The following SLC24A2 variants were observed in gnomAD, a reference collection of about 807,000 sequenced individuals.
SLC24A2 encodes the protein solute carrier family 24 member 2.
A neutral mutation model predicts 62.0 loss-of-function variants in SLC24A2; 36 were observed. That is an observed-to-expected ratio of 0.58 (90% CI 0.44 to 0.77). The LOEUF (loss-of-function observed/expected upper bound fraction) is 0.77, where lower values mean the gene tolerates loss of function less well. Among genes scored for constraint, SLC24A2 ranks in the 30% least tolerant of loss-of-function variants. The pLI, the probability that SLC24A2 is intolerant of heterozygous loss-of-function variation, is 0.00. For missense variants in SLC24A2, 846 were observed against 817.9 expected (o/e 1.03, Z -0.42); for synonymous variants, 358 against 294.0 (o/e 1.22, Z -2.23).
At chr9:20,193,087 C>G in the SLC24A2 span, among the ~76,000 whole-genome samples, 36 of 152,126 alleles carry the variant, frequency 2.4e-4, no homozygotes, top group African/African-American at 8.4e-4. Flanking sequence ...TAGCAAGATC[C>G]CTGCTCTAGT....
At chr9:19,592,927 G>T (rs972968262) in intron 5 of SLC24A2, among the ~76,000 whole-genome samples, 2 of 152,202 alleles carry the variant, frequency 1.3e-5, no homozygotes, top group African/African-American at 4.8e-5. Context: ...AGACATTTTT[G>T]TCCCTAGAAA....
the SLC24A2 span, among the ~76,000 whole-genome samples, chr9:19,800,036 G>A: frequency 6.6e-6 from 1 of 152,162 alleles, no homozygotes; most frequent in Admixed American, 6.5e-5. Context: ...CATCATTGCA[G>A]TCTCTGCCAT....
chr9:19,553,352 A>G (rs975186222), intron 7 of SLC24A2, among the ~76,000 whole-genome samples: 77 of 152,144 alleles, frequency 5.1e-4, no homozygotes, highest in African/African-American at 1.8e-3. Flanking sequence ...GTGACAACTC[A>G]CCCTTACCTC....
At position 19,692,446 on chromosome 9, in the gene SLC24A2, C is replaced by T. The variant is rs550136159; in HGVS notation, c.931-70147G>A. ...TTTGAAGATGGACTGTAATACCATACGACAAAATTGAAGCCACCTTATTAG... is the reference window on the plus strand; with the variant it reads ...TTTGAAGATGGACTGTAATACCATATGACAAAATTGAAGCCACCTTATTAG... On this transcript the variant is annotated intron_variant, in intron 2 of 10. Coordinates refer to ENST00000341998, the MANE Select transcript of SLC24A2 (RefSeq NM_020344.4). 1.0e-3 allele frequency among the ~76,000 whole-genome samples: 152 copies of T among 152,144 alleles called. 1 individual carries two copies. Among genetic ancestry groups the T allele is most frequent in the African/African-American group, 3.1e-3 (129 of 41,518 alleles).
intron 2 of SLC24A2, among the ~76,000 whole-genome samples, chr9:19,644,764 G>T (rs1818595717): frequency 6.6e-6 from 1 of 151,518 alleles, no homozygotes; most frequent in Admixed American, 6.6e-5. Context: ...TTCATGTTTT[G>T]CCTAATGAAT....
At chr9:19,908,315 A>G in the SLC24A2 span, among the ~76,000 whole-genome samples, 1 of 152,148 alleles carries the variant, frequency 6.6e-6, no homozygotes, top group Non-Finnish European at 1.5e-5. Context: ...CCTTCCTTAC[A>G]CCTTATACAA....
At chr9:20,019,849 T>C in the SLC24A2 span, among the ~76,000 whole-genome samples, 2 of 144,760 alleles carry the variant, frequency 1.4e-5, no homozygotes, top group African/African-American at 5.2e-5. Flanking sequence ...ATCCAGAATC[T>C]ACAATGAACT....
At chr9:19,944,657 G>A in the SLC24A2 span, among the ~76,000 whole-genome samples, 5 of 152,130 alleles carry the variant, frequency 3.3e-5, no homozygotes, top group Admixed American at 3.3e-4. Context: ...ATGGGACGGT[G>A]CCTTTCTGAA....
the SLC24A2 span, among the ~76,000 whole-genome samples, chr9:19,936,620 G>T: frequency 1.3e-5 from 2 of 152,142 alleles, no homozygotes; most frequent in Non-Finnish European, 2.9e-5. Flanking sequence ...AAGCTGGAGT[G>T]GGAGCCTCTG....
At chr9:19,895,781 C>T in the SLC24A2 span, 650 of 1,576,144 alleles carry the variant, frequency 4.1e-4, no homozygotes, top group Middle Eastern at 1.1e-3. Context: ...TCTCCTCATG[C>T]GGTGGCCTGT....
the SLC24A2 span, among the ~76,000 whole-genome samples, chr9:19,979,014 C>A: frequency 1.3e-5 from 2 of 152,084 alleles, no homozygotes; most frequent in African/African-American, 4.8e-5. Context: ...GTGTGTGCTC[C>A]GTCTTTTTTA....
In SLC24A2 at chr9:19,786,599, A is replaced by C. The variant is rs1338944237; in HGVS notation, c.268T>G (p.Leu90Val). Reference protein sequence around the residue: ...QGYHQRTLLDLNDKILDYTPQ... With the variant: ...QGYHQRTLLDVNDKILDYTPQ... ...GTATAATCCAGAATCTTGTCATTTA[A>C]ATCTAAGAGAGTTCTCTGATGGTAA... The change falls in exon 2 of 11, where the codon TTA becomes GTA. Residue 90 changes from leucine to valine, a missense_variant. Physicochemically the swap from Leu to Val is conservative, Grantham distance 32 (BLOSUM62 1). Coordinates refer to ENST00000341998, the MANE Select transcript of SLC24A2 (RefSeq NM_020344.4). This position sits in a 1 kb window ranked among gnomAD's most constrained non-coding sequence, Gnocchi z 5.0. 8.7e-6 allele frequency: 14 copies of C among 1,614,008 alleles called. 1 individual carries two copies. In the Admixed American group the frequency reaches 2.3e-4, roughly 27 times the overall value.
At chr9:19,957,137 T>A in the SLC24A2 span, among the ~76,000 whole-genome samples, 1 of 152,204 alleles carries the variant, frequency 6.6e-6, no homozygotes, top group Non-Finnish European at 1.5e-5. Flanking sequence ...ATATAATACA[T>A]TACTGCTGAG....
the SLC24A2 span, among the ~76,000 whole-genome samples, chr9:19,881,081 T>C: frequency 6.6e-6 from 1 of 152,228 alleles, no homozygotes; most frequent in African/African-American, 2.4e-5. Context: ...ATATGTCATA[T>C]ACTTAGAACT....
intron 8 of SLC24A2, among the ~76,000 whole-genome samples, chr9:19,543,067 G>C (rs1439233847): frequency 6.6e-6 from 1 of 151,820 alleles, no homozygotes; most frequent in Non-Finnish European, 1.5e-5. Flanking sequence ...ATCTGGTTCT[G>C]GACTTTGGTA....
At chr9:19,946,629 T>C in the SLC24A2 span, among the ~76,000 whole-genome samples, 125,550 of 152,186 alleles carry the variant, frequency 0.82, 52,248 homozygotes, top group Non-Finnish European at 0.88. Flanking sequence ...TGAGACAACC[T>C]GTGCTTAAGC....
At chr9:20,097,167 T>A in the SLC24A2 span, among the ~76,000 whole-genome samples, 1 of 152,202 alleles carries the variant, frequency 6.6e-6, no homozygotes, top group Non-Finnish European at 1.5e-5. Context: ...GCCACCACCA[T>A]GATTCCCTAC....
chr9:20,054,388 C>T, the SLC24A2 span, among the ~76,000 whole-genome samples: 1 of 152,038 alleles, frequency 6.6e-6, no homozygotes, highest in African/African-American at 2.4e-5. Context: ...GACAGGGTTT[C>T]ACCATGTTGG....
chr9:20,249,656 G>A, the SLC24A2 span, among the ~76,000 whole-genome samples: 2,156 of 133,578 alleles, frequency 0.016, 42 homozygotes, highest in African/African-American at 0.058. Context: ...AGTGAGCTAC[G>A]ATTGCACCAT....
Sources: allele counts gnomAD v4.1 joint callset (sites outside exome capture counted in the v4.1 genomes callset), GRCh38; gene constraint gnomAD v4.1.1; non-coding constraint Gnocchi (gnomAD v3.1); transcripts MANE v1.5; gene names NCBI Gene and HGNC (gene_info 2026-07-23, HGNC 2026-07-21).